The following DNHD1 variants were observed in gnomAD, a reference collection of about 807,000 sequenced individuals.
DNHD1 encodes dynein heavy chain domain 1.
A neutral mutation model predicts 458.1 loss-of-function variants in DNHD1; 383 were observed. The ratio of observed to expected loss-of-function variants is 0.84; its 90% CI spans 0.77 to 0.91. DNHD1 has a LOEUF of 0.91. Among genes scored for constraint, DNHD1 ranks in the 40% least tolerant of loss-of-function variants. The pLI is 0.00. For synonymous variants in DNHD1, 2,203 were observed against 2,376.9 expected (o/e 0.93, Z 2.13); for missense variants, 5,336 against 5,866.1 (o/e 0.91, Z 2.95).
At chr11:6,527,426 G>C (rs1293070942) in intron 10 of DNHD1, among the ~76,000 whole-genome samples, 3 of 152,202 alleles carry the variant, frequency 2.0e-5, no homozygotes, top group African/African-American at 7.2e-5. Context: ...TGTGTTGTAT[G>C]TGAAAAAGAG....
rs1265532110 is a variant in DNHD1, at chr11:6,564,123, A to G, written c.10283A>G (p.Gln3428Arg). ...ATGCGTGCCTGGACTACACAGCTCC[A>G]GGTAACCATCCCCCTCCCAGATGTC... ...TPMRAWTTQLQKLKGRCMTVF... is the reference protein window; with the variant it reads ...TPMRAWTTQLRKLKGRCMTVF... Residue 3428 changes from glutamine (Q) to arginine (R), a missense_variant and splice_region_variant, in exon 31 of 43, where the codon CAG becomes CGG. Gln to Arg is a conservative substitution (Grantham distance 43). Transcript: ENST00000254579. 1 of 1,546,892 alleles carries G rather than the reference A, an allele frequency of 6.5e-7. No individual in the cohort carries two copies. Among genetic ancestry groups the G allele is most frequent in the African/African-American group, 1.4e-5 (1 of 72,968 alleles).
Position 6,571,598 on chromosome 11 carries a change from C to T in DNHD1, c.13912-38C>T. The T allele has an allele frequency of 6.7e-7, 1 of 1,499,014 alleles. No homozygotes were observed. Among genetic ancestry groups the T allele is most frequent in the Non-Finnish European group, 8.9e-7 (1 of 1,119,176 alleles). The allele number at this position is 1,499,014 out of a possible 1,614,324, so 92.9% of individuals were successfully genotyped here. ...CCACTTCCCACCTGCCACCTCCCAG[C>T]TTCCTAGCCTTGCCTGACCAGCTTC... On this transcript the variant is annotated intron_variant, in intron 42 of 42. Coordinates refer to ENST00000254579, the MANE Select transcript of DNHD1 (RefSeq NM_144666.3). This position sits in a 1 kb window ranked among gnomAD's most constrained non-coding sequence, Gnocchi z 5.0.
At position 6,533,104 on chromosome 11, in the gene DNHD1, A is replaced by G; in HGVS notation, c.2425A>G (p.Met809Val). The G allele has an allele frequency of 3.2e-6, 5 of 1,551,532 alleles. No individual in the cohort carries two copies. Among genetic ancestry groups the G allele is most frequent in the Non-Finnish European group, 4.4e-6 (5 of 1,146,836 alleles). Residue 809 changes from methionine (M) to valine (V), a missense_variant, in exon 13 of 43, where the codon ATG becomes GTG. By Grantham distance (21) the Met-to-Val change is conservative (BLOSUM62 1). This residue lies in a region of DNHD1 where 3,932 missense variants were observed against 4,365.6 expected (regional missense o/e 0.90). Coordinates refer to ENST00000254579, the MANE Select transcript of DNHD1 (RefSeq NM_144666.3). The stretch of plus-strand genomic sequence containing the variant: ...GTGCTGGAACCTCAGTCAACAACTC[A>G]TGACAGAGCTCACAGATTTCATGCA... ...NECWNLSQQL[M>V]TELTDFMHIF... is the part of the protein sequence containing the mutation.
intron 13 of DNHD1, 133 bp from the exon 14 acceptor site, chr11:6,533,548 G>C: frequency 1.7e-6 from 2 of 1,160,738 alleles, no homozygotes; most frequent in Non-Finnish European, 2.4e-6. Flanking sequence ...GATTGCCCCT[G>C]ATTCCAGTTG....
At chr11:6,550,626 A>G (rs1186435367) in intron 24 of DNHD1, among the ~76,000 whole-genome samples, 1 of 152,264 alleles carries the variant, frequency 6.6e-6, no homozygotes, top group Non-Finnish European at 1.5e-5. Flanking sequence ...TACGCTGTCC[A>G]AAAGATGCAC....
At chr11:6,523,125 T>C (rs1355403023) in intron 10 of DNHD1, among the ~76,000 whole-genome samples, 1 of 152,198 alleles carries the variant, frequency 6.6e-6, no homozygotes, top group Non-Finnish European at 1.5e-5. Context: ...TTGGAATAAC[T>C]TTTTGATATT....
Position 6,511,997 on chromosome 11 carries a change from A to G in DNHD1, c.1392+568A>G, listed in dbSNP as rs140697092. On this transcript the variant is annotated intron_variant, in intron 7 of 42. Coordinates refer to ENST00000254579, the MANE Select transcript of DNHD1 (RefSeq NM_144666.3). ...TCACACAGGACTGTGGCTAATTACC[A>G]TGTGTAGATAGTCCGGTTCTGAGAG... Among the ~76,000 whole-genome samples the G allele has an allele frequency of 6.6e-5, 10 of 152,202 alleles. No homozygotes were observed. In the East Asian group the frequency reaches 1.9e-3, roughly 29 times the overall value.
intron 10 of DNHD1, chr11:6,520,573 T>C: frequency 1.6e-6 from 2 of 1,251,312 alleles, no homozygotes; most frequent in African/African-American, 1.5e-5. Flanking sequence ...TCCCAAACTC[T>C]GTGAGGTTTT....
intron 6 of DNHD1, 76 bp from the exon 7 acceptor site, chr11:6,511,197 T>C: frequency 6.4e-7 from 1 of 1,555,442 alleles, no homozygotes; most frequent in Non-Finnish European, 8.7e-7. Flanking sequence ...TGAGGTAAGC[T>C]AGGCTGAGAA....
At position 6,545,967 on chromosome 11, in the gene DNHD1, C is replaced by T. The variant is rs1366430502; in HGVS notation, c.5028C>T (p.Ala1676=). Residue 1676 remains alanine, a synonymous_variant, in exon 21 of 43, where the codon GCC becomes GCT. Coordinates refer to ENST00000254579, the MANE Select transcript of DNHD1 (RefSeq NM_144666.3). The surrounding 1 kb of genome is among the most constrained non-coding windows in gnomAD (Gnocchi z 4.9). ...GGCCAGCCCTGGTACTATTATTGGC[C>T]CTAGAGGAGGTGGCCTGTGGGACCG... ...PERPALVLLL[A]LEEVACGTVL... The T allele has an allele frequency of 7.7e-6, 12 of 1,551,648 alleles. No homozygotes were observed. Among genetic ancestry groups the T allele is most frequent in the African/African-American group, 1.4e-5 (1 of 73,052 alleles).
In DNHD1 at chr11:6,520,059, C is replaced by G. The variant is rs372824250; in HGVS notation, c.1742C>G (p.Thr581Ser). 2.7e-5 allele frequency: 43 copies of G among 1,614,058 alleles called. No homozygotes were observed. The highest frequency in any genetic ancestry group is 3.3e-5 in the Non-Finnish European group (39 of 1,180,048). ...HVPCVENMIQ[T>S]LTGGLQSVKT... ...CCCTGTGTTGAAAATATGATCCAGACTCTAACTGGAGGCCTACAGTCTGTC... is the reference window on the plus strand; with the variant it reads ...CCCTGTGTTGAAAATATGATCCAGAGTCTAACTGGAGGCCTACAGTCTGTC... Residue 581 changes from threonine (T) to serine (S), a missense_variant, in exon 9 of 43, where the codon ACT becomes AGT. By Grantham distance (58) the Thr-to-Ser change is moderately conservative. Coordinates refer to ENST00000254579, the MANE Select transcript of DNHD1 (RefSeq NM_144666.3).
At chr11:6,524,207 T>C (rs1338674280) in intron 10 of DNHD1, among the ~76,000 whole-genome samples, 2 of 152,202 alleles carry the variant, frequency 1.3e-5, no homozygotes, top group Non-Finnish European at 2.9e-5. Flanking sequence ...ATCACTGCTC[T>C]TCAAGCTTGT....
At chr11:6,515,758 A>T (rs1852449133) in intron 7 of DNHD1, among the ~76,000 whole-genome samples, 1 of 144,372 alleles carries the variant, frequency 6.9e-6, no homozygotes. Context: ...TCACTGTTTT[A>T]TTCAAATATT....
intron 12 of DNHD1, among the ~76,000 whole-genome samples, chr11:6,531,585 T>A (rs1208572021): frequency 6.6e-6 from 1 of 152,188 alleles, no homozygotes; most frequent in Non-Finnish European, 1.5e-5. Flanking sequence ...CTAGTTACTG[T>A]TATGTTCCAA....
chr11:6,557,570 G>A lies in DNHD1; in HGVS notation c.8275G>A (p.Gly2759Arg), dbSNP rs1265672341. 6.4e-7 allele frequency: 1 copy of A among 1,551,608 alleles called. No homozygotes were observed. The highest frequency in any genetic ancestry group is 1.4e-5 in the African/African-American group (1 of 73,018). ...LTPSIGPVSR[G>R]MKESISHKIR... is the part of the protein sequence containing the mutation. The stretch of plus-strand genomic sequence containing the variant: ...ACCATCCATAGGACCAGTAAGCAGG[G>A]GGATGAAGGAAAGCATAAGTCACAA... The change falls in exon 25 of 43, where the codon GGG (glycine) becomes AGG (arginine). Residue 2759 changes from glycine to arginine, a missense_variant. Physicochemically the swap from Gly to Arg is moderately radical, Grantham distance 125. Transcript: ENST00000254579.
intron 7 of DNHD1, among the ~76,000 whole-genome samples, chr11:6,514,174 G>A (rs1589869136): frequency 6.6e-6 from 1 of 152,054 alleles, no homozygotes; most frequent in South Asian, 2.1e-4. Flanking sequence ...TGTGATCTCA[G>A]CTCACTGCAA....
Position 6,546,110 on chromosome 11 carries a change from A to G in DNHD1, c.5171A>G (p.Asn1724Ser), listed in dbSNP as rs1051027908. ...CAGATAGAGGCTCAATGCCTGAGCA[A>G]CTATCTGAATGGTGCCCTGCAGGGT... ...SPQIEAQCLS[N>S]YLNGALQGGA... is the part of the protein sequence containing the mutation. The change falls in exon 21 of 43, where the codon AAC becomes AGC. Residue 1724 changes from asparagine to serine, a missense_variant. Physicochemically the swap from Asn to Ser is conservative, Grantham distance 46. This residue lies in a region of DNHD1 where 3,932 missense variants were observed against 4,365.6 expected (regional missense o/e 0.90). Transcript: ENST00000254579. 1.9e-6 allele frequency: 3 copies of G among 1,551,480 alleles called. No homozygotes were observed. Among genetic ancestry groups the G allele is most frequent in the Admixed American group, 3.9e-5 (2 of 50,984 alleles).
Position 6,562,987 on chromosome 11 carries a change from C to T in DNHD1, c.9525C>T (p.Leu3175=). The T allele has an allele frequency of 6.4e-7, 1 of 1,551,588 alleles. No homozygotes were observed. Among genetic ancestry groups the T allele is most frequent in the Non-Finnish European group, 8.7e-7 (1 of 1,146,932 alleles). Residue 3175 remains leucine (L), a synonymous_variant, in exon 29 of 43, where the codon CTC becomes CTT. Transcript: ENST00000254579. ...EQQLKDSGKS[L]SMFQQQLEQS... The stretch of plus-strand genomic sequence containing the variant: ...GCCTGGATCTGTCTCTGCAGAGTCT[C>T]AGCATGTTTCAGCAGCAGCTAGAGC...
intron 14 of DNHD1, among the ~76,000 whole-genome samples, chr11:6,537,892 C>T (rs1178517467): frequency 6.6e-6 from 1 of 152,088 alleles, no homozygotes; most frequent in Non-Finnish European, 1.5e-5. Flanking sequence ...GATCACGCCA[C>T]TGCACACCAG....
Sources: gnomAD v4.1 joint callset for allele counts (sites outside exome capture counted in the v4.1 genomes callset) on GRCh38, gnomAD v4.1.1 for gene constraint, gnomAD v4.1.1 regional missense constraint, Gnocchi (gnomAD v3.1) non-coding constraint, MANE v1.5 for transcripts, NCBI Gene and HGNC (gene_info 2026-07-23, HGNC 2026-07-21) for gene names.